Variants in PCSK5 observed in about 807,000 individuals in gnomAD.
The protein encoded by PCSK5 is prohormone convertase 5.
PCSK5 carries 129 observed loss-of-function variants against 233.2 expected under a neutral mutation model. The ratio of observed to expected loss-of-function variants is 0.55; its 90% CI spans 0.48 to 0.64. The LOEUF is 0.64. PCSK5 is among the 30% of genes least tolerant of loss of function. The pLI, the probability that PCSK5 is intolerant of heterozygous loss-of-function variation, is 0.00. For synonymous variants in PCSK5, 825 were observed against 879.2 expected, an observed-to-expected ratio of 0.94 and a Z score of 1.09; for missense variants, 2,076 against 2,430.1, an observed-to-expected ratio of 0.85 and a Z score of 3.06.
At chr9:76,070,823 CT>C (rs1717304414) in intron 6 of PCSK5, among the ~76,000 whole-genome samples, 1 of 152,056 alleles carries the variant, frequency 6.6e-6, no homozygotes, top group African/African-American at 2.4e-5. Flanking sequence ...CCAATAAAAA[CT>C]TAAAATCCTA....
chr9:76,067,071 C>T lies in PCSK5; in HGVS notation c.633-884C>T, dbSNP rs577528650. On this transcript the variant is annotated intron_variant, in intron 5 of 37. Transcript: ENST00000674117. Reference sequence around the variant, plus strand: ...GGTGTTCTTTCTCTGGGCTCAGTCACGCTTTAGAATTCTTCCCAGCACACA... The same window carrying T: ...GGTGTTCTTTCTCTGGGCTCAGTCATGCTTTAGAATTCTTCCCAGCACACA... 8.5e-5 allele frequency among the ~76,000 whole-genome samples: 13 copies of T among 152,300 alleles called. No homozygotes were observed. In the South Asian group the frequency reaches 2.5e-3, roughly 29 times the overall value.
intron 7 of PCSK5, among the ~76,000 whole-genome samples, chr9:76,072,589 A>G (rs925050678): frequency 9.2e-5 from 14 of 152,338 alleles, no homozygotes; most frequent in African/African-American, 3.4e-4. Context: ...TTTCTTATTC[A>G]TGAATGGACC....
intron 24 of PCSK5, among the ~76,000 whole-genome samples, chr9:76,265,281 G>A (rs900190434): frequency 1.1e-4 from 17 of 151,844 alleles, no homozygotes; most frequent in African/African-American, 3.6e-4. Context: ...AGGGGGAGGC[G>A]GGTTGAAAAA....
chr9:76,196,236 G>A (rs1009474492), intron 20 of PCSK5, among the ~76,000 whole-genome samples: 4 of 152,228 alleles, frequency 2.6e-5, no homozygotes, highest in Non-Finnish European at 5.9e-5. Context: ...TTCCTGTAGT[G>A]CGCAGCACAC....
chr9:76,315,855 T>C (rs1181562683), intron 30 of PCSK5, among the ~76,000 whole-genome samples: 1 of 151,270 alleles, frequency 6.6e-6, no homozygotes, highest in African/African-American at 2.4e-5. Flanking sequence ...TGGTCTTGAA[T>C]TCCTGACCTC....
At chr9:75,900,070 T>G (rs1587330507) in intron 1 of PCSK5, among the ~76,000 whole-genome samples, 1 of 152,236 alleles carries the variant, frequency 6.6e-6, no homozygotes, top group South Asian at 2.1e-4. Flanking sequence ...GTACAACAGT[T>G]TTTCATTGGA....
Position 76,191,585 on chromosome 9 carries a change from G to A in PCSK5, c.2626+1839G>A, listed in dbSNP as rs138084854. Among the ~76,000 whole-genome samples the A allele has an allele frequency of 6.4e-4, 97 of 152,296 alleles. 3 individuals are homozygous for A. Among genetic ancestry groups the A allele is most frequent in the Non-Finnish European group, 3.2e-4 (22 of 68,022 alleles). On this transcript the variant is annotated intron_variant, in intron 20 of 37. Coordinates refer to ENST00000674117, the MANE Select transcript of PCSK5 (RefSeq NM_001372043.1). ...TGTGGTCTTATTTCTTTGGAGCATC[G>A]TAGGTGACTTTGCATCTCCATGGTT...
intron 5 of PCSK5, among the ~76,000 whole-genome samples, chr9:76,061,921 T>C (rs1487011065): frequency 1.3e-5 from 2 of 152,206 alleles, no homozygotes; most frequent in Admixed American, 1.3e-4. Flanking sequence ...TTTTTGATGA[T>C]GACAATGATA....
intron 32 of PCSK5, among the ~76,000 whole-genome samples, chr9:76,325,644 C>T (rs1340772597): frequency 3.3e-5 from 5 of 150,370 alleles, no homozygotes; most frequent in African/African-American, 1.2e-4. Flanking sequence ...ATTGCACTTT[C>T]TTTTTTTTGA....
chr9:75,975,180 C>G (rs140002901), intron 2 of PCSK5, among the ~76,000 whole-genome samples: 1 of 152,000 alleles, frequency 6.6e-6, no homozygotes, highest in African/African-American at 2.4e-5. Flanking sequence ...AAACCATTCC[C>G]CCTCCCTGAG....
intron 8 of PCSK5, among the ~76,000 whole-genome samples, chr9:76,105,763 T>C (rs1455494414): frequency 6.6e-6 from 1 of 152,236 alleles, no homozygotes; most frequent in African/African-American, 2.4e-5. Flanking sequence ...CTATAGATCT[T>C]TGTTCATTCT....
At chr9:76,282,119 G>T (rs145831237) in intron 24 of PCSK5, among the ~76,000 whole-genome samples, 60 of 27,252 alleles carry the variant, frequency 2.2e-3, no homozygotes, top group Non-Finnish European at 2.7e-3. Context: ...TCTTTTCTTT[G>T]CTTTTTTTTT....
Position 75,932,366 on chromosome 9 carries a change from C to G in PCSK5, c.193-13C>G. The G allele has an allele frequency of 2.0e-6, 3 of 1,490,252 alleles. No individual in the cohort carries two copies. The highest frequency in any genetic ancestry group is 1.9e-6 in the Non-Finnish European group (2 of 1,070,572). The allele number at this position is 1,490,252 out of a possible 1,614,324, so 92.3% of individuals were successfully genotyped here. A position where few individuals can be genotyped will look rare whatever the true frequency, so the allele number is the denominator to read the frequency against. On this transcript the variant is annotated splice_polypyrimidine_tract_variant and intron_variant, in intron 1 of 37. Transcript: ENST00000674117. Reference sequence around the variant, plus strand: ...CTTTTTTTTGTTCTTTCCTTCCCACCCTTCCTTTGCAGATAGGGGCCCTGA... The same window carrying G: ...CTTTTTTTTGTTCTTTCCTTCCCACGCTTCCTTTGCAGATAGGGGCCCTGA...
chr9:75,942,229 C>G (rs1315170668), intron 2 of PCSK5, among the ~76,000 whole-genome samples: 1 of 152,234 alleles, frequency 6.6e-6, no homozygotes, highest in Non-Finnish European at 1.5e-5. Flanking sequence ...ACATGCAAGT[C>G]TCGACTTTTA....
intron 3 of PCSK5, among the ~76,000 whole-genome samples, chr9:76,020,241 T>C (rs1443968171): frequency 6.6e-6 from 1 of 152,222 alleles, no homozygotes; most frequent in Admixed American, 6.5e-5. Context: ...TAGGGCCTAG[T>C]TTAAAGACCA....
At chr9:76,265,089 A>G (rs1827292816) in intron 24 of PCSK5, among the ~76,000 whole-genome samples, 1 of 152,140 alleles carries the variant, frequency 6.6e-6, no homozygotes, top group South Asian at 2.1e-4. Context: ...AAAAAGAAAA[A>G]ATTATGTCCT....
At chr9:76,246,583 C>T (rs1312664355) in intron 24 of PCSK5, among the ~76,000 whole-genome samples, 1 of 152,086 alleles carries the variant, frequency 6.6e-6, no homozygotes, top group Non-Finnish European at 1.5e-5. Flanking sequence ...AGGAATTTAC[C>T]CTGGTGACAT....
rs767362812 is a variant in PCSK5, at chr9:75,891,053, CGCCCGGGGCTGCGAGCTGCGGCG to C, written c.-116_-94del. 92 of 741,316 alleles carry C rather than the reference CGCCCGGGGCTGCGAGCTGCGGCG, an allele frequency of 1.2e-4. No homozygotes were observed. The highest frequency in any genetic ancestry group is 4.1e-4 in the East Asian group (12 of 29,260). The allele number at this position is 741,316 out of a possible 1,614,324, so 45.9% of individuals were successfully genotyped here. ...CCGGGGCTAGCCGCCTCCTGCCGAT[CGCCCGGGGCTGCGAGCTGCGGCG>C]GCCCGGGGCTGCTCGCCGGGCGGCG... On this transcript the variant is annotated 5_prime_UTR_variant, in exon 1 of 38. Coordinates refer to ENST00000674117, the MANE Select transcript of PCSK5 (RefSeq NM_001372043.1).
At chr9:76,000,674 A>G (rs1338782950) in intron 3 of PCSK5, among the ~76,000 whole-genome samples, 1 of 152,124 alleles carries the variant, frequency 6.6e-6, no homozygotes, top group Non-Finnish European at 1.5e-5. Context: ...ATGTTTTCCT[A>G]TTTTCATTGT....
Sources: allele counts gnomAD v4.1 joint callset (sites outside exome capture counted in the v4.1 genomes callset), GRCh38; gene constraint gnomAD v4.1.1; transcripts MANE v1.5; gene names NCBI Gene and HGNC (gene_info 2026-07-23, HGNC 2026-07-21).